NUP93: variants seen among roughly 807,000 people sequenced by gnomAD.
NUP93 encodes nucleoporin 93.
A neutral mutation model predicts 107.8 loss-of-function variants in NUP93; 55 were observed. The ratio of observed to expected loss-of-function variants is 0.51; its 90% confidence interval spans 0.41 to 0.64. The LOEUF (loss-of-function observed/expected upper bound fraction) is 0.64, where lower values mean the gene tolerates loss of function less well. NUP93 is among the 30% of genes least tolerant of loss of function. NUP93 has a pLI of 0.00. For synonymous variants in NUP93, 390 were observed against 397.5 expected (o/e 0.98, Z 0.22); for missense variants, 937 against 1,044.7 (o/e 0.90, Z 1.42).
In NUP93 at chr16:56,782,031, TTTCTCTCTTTTTCTC is replaced by T. The variant is rs764757273; in HGVS notation, c.298-16436_298-16422del. 187 of 985,406 alleles carry T rather than the reference TTTCTCTCTTTTTCTC, an allele frequency of 1.9e-4. No homozygotes were observed. In the Admixed American group the frequency reaches 4.1e-3, roughly 21 times the overall value. 61.0% of individuals were successfully genotyped at this position (985,406 alleles called of 1,614,324 possible). On this transcript the variant is annotated intron_variant, in intron 3 of 21. Coordinates refer to ENST00000308159, the MANE Select transcript of NUP93 (RefSeq NM_014669.5). Reference sequence around the variant, plus strand: ...GGGGTTGTTCTTTTCCTTTTTCTTCTTTCTCTCTTTTTCTCTTCTCTCTGTCCTTCTCCCCACCCC... The same window carrying T: ...GGGGTTGTTCTTTTCCTTTTTCTTCTTTCTCTCTGTCCTTCTCCCCACCCC...
chr16:56,754,572 CAA>C (rs750474174), intron 2 of NUP93, among the ~76,000 whole-genome samples: 1 of 152,192 alleles, frequency 6.6e-6, no homozygotes, highest in Non-Finnish European at 1.5e-5. Context: ...TTGGCCAAAA[CAA>C]AGGGGCTACA....
At chr16:56,764,321 C>T (rs1219990316) in intron 3 of NUP93, among the ~76,000 whole-genome samples, 1 of 152,086 alleles carries the variant, frequency 6.6e-6, no homozygotes, top group Non-Finnish European at 1.5e-5. Flanking sequence ...TGAAACCCGT[C>T]TCTACTAAAA....
chr16:56,792,350 A>G (rs1962785203), intron 3 of NUP93, among the ~76,000 whole-genome samples: 1 of 152,240 alleles, frequency 6.6e-6, no homozygotes, highest in Non-Finnish European at 1.5e-5. Flanking sequence ...ATAAATGTGC[A>G]AACATAAAAT....
At chr16:56,730,840 A>G (rs553038075) in intron 1 of NUP93, among the ~76,000 whole-genome samples, 6 of 152,348 alleles carry the variant, frequency 3.9e-5, no homozygotes, top group African/African-American at 7.2e-5. Flanking sequence ...GGCCGACCCC[A>G]TGGGTCCTTG....
chr16:56,834,501 A>T, intron 15 of NUP93, 59 bp downstream of exon 15: 1 of 1,550,242 alleles, frequency 6.5e-7, no homozygotes, highest in Non-Finnish European at 8.9e-7. Flanking sequence ...TCCCATGCTC[A>T]TTCCGTATTG....
At chr16:56,838,924 C>G in intron 18 of NUP93, 28 bp from the exon 19 acceptor site, 1 of 1,496,250 alleles carries the variant, frequency 6.7e-7, no homozygotes, top group South Asian at 1.1e-5. Context: ...TACACTCTTA[C>G]TACCCCCACC....
At chr16:56,839,878 G>A in intron 20 of NUP93, 1 of 420,654 alleles carries the variant, frequency 2.4e-6, no homozygotes, top group Non-Finnish European at 4.4e-6. Context: ...GTTGATCTGT[G>A]AAGTCTGGTT....
rs796176525 is a variant in NUP93 at position 56,832,506 on chromosome 16, T to C, written c.1345+118T>C. ...TTTTGTCTTTCTTCCAAAACTCCTATAGATTGTCAAGGCAAAACACAACAA... is the reference window on the plus strand; with the variant it reads ...TTTTGTCTTTCTTCCAAAACTCCTACAGATTGTCAAGGCAAAACACAACAA... On this transcript the variant is annotated intron_variant, in intron 12 of 21. Transcript: ENST00000308159. 7.7e-5 allele frequency: 58 copies of C among 752,574 alleles called. No individual in the cohort carries two copies. The African/African-American group carries it at 8.8e-4, about 11-fold the overall frequency. 46.6% of individuals were successfully genotyped at this position (752,574 alleles called of 1,614,324 possible). A position where few individuals can be genotyped will look rare whatever the true frequency, so the allele number is the denominator to read the frequency against.
rs1348254795 is a variant in NUP93 at position 56,830,568 on chromosome 16, A to T, written c.968A>T (p.Tyr323Phe). The T allele has an allele frequency of 6.2e-7, 1 of 1,601,106 alleles. No homozygotes were observed. The highest frequency in any genetic ancestry group is 1.7e-5 in the Admixed American group (1 of 59,748). The change falls in exon 10 of 22, where the codon TAC becomes TTC. Residue 323 changes from tyrosine to phenylalanine, a missense_variant. Physicochemically the swap from Tyr to Phe is conservative, Grantham distance 22. Transcript: ENST00000308159. ...GGCCATCCTGTGTGGGCGCTAATTTACTACTGCATGCGCTGTGGAGACCTG... is the reference window on the plus strand; with the variant it reads ...GGCCATCCTGTGTGGGCGCTAATTTTCTACTGCATGCGCTGTGGAGACCTG... ...VEGHPVWALI[Y>F]YCMRCGDLLA...
intron 11 of NUP93, 46 bp downstream of exon 11, chr16:56,832,053 G>A (rs1963804079): frequency 1.2e-6 from 2 of 1,605,586 alleles, no homozygotes; most frequent in Non-Finnish European, 1.7e-6. Flanking sequence ...CCCCTTTTCT[G>A]TGCTCAAGTC....
At chr16:56,754,685 A>T (rs1460822483) in intron 2 of NUP93, among the ~76,000 whole-genome samples, 1 of 152,150 alleles carries the variant, frequency 6.6e-6, no homozygotes, top group Non-Finnish European at 1.5e-5. Context: ...GCAAACCATC[A>T]GTGGGTCTAC....
chr16:56,741,570 G>C (rs1961740431), intron 1 of NUP93, among the ~76,000 whole-genome samples: 1 of 151,942 alleles, frequency 6.6e-6, no homozygotes, highest in Non-Finnish European at 1.5e-5. Context: ...AAACAGTACT[G>C]TTTACTGTTA....
chr16:56,775,025 G>A lies in NUP93; in HGVS notation c.297+16370G>A, dbSNP rs530825128. ...AGTGATCCTCCCACCTCAACCTCCC[G>A]AGTAGCTGGGACTACAGGCACATGC... On this transcript the variant is annotated intron_variant, in intron 3 of 21. Coordinates refer to ENST00000308159, the MANE Select transcript of NUP93 (RefSeq NM_014669.5). 2.7e-5 allele frequency among the ~76,000 whole-genome samples: 4 copies of A among 150,930 alleles called. No individual in the cohort carries two copies. In the South Asian group the frequency reaches 6.3e-4, roughly 24 times the overall value.
At chr16:56,814,293 G>A (rs942798177) in intron 5 of NUP93, among the ~76,000 whole-genome samples, 3 of 152,016 alleles carry the variant, frequency 2.0e-5, no homozygotes, top group Non-Finnish European at 4.4e-5. Context: ...CGATCCTCTC[G>A]CTTCAGCCTC....
In NUP93 at chr16:56,756,301, C is replaced by G. The variant is rs1187135129; in HGVS notation, c.180-2237C>G. Among the ~76,000 whole-genome samples, 19 of 79,250 alleles carry G rather than the reference C, an allele frequency of 2.4e-4. 2 individuals carry two copies. In the South Asian group the frequency reaches 0.014, roughly 58 times the overall value. 52.0% of individuals were successfully genotyped at this position (79,250 alleles called of 152,430 possible). On this transcript the variant is annotated intron_variant, in intron 2 of 21. Coordinates refer to ENST00000308159, the MANE Select transcript of NUP93 (RefSeq NM_014669.5). ...TAATGCTCTCTCTCTCCTTGCCCCC[C>G]CCCCCCCCGACAGGCTCCTATGTGT... is the stretch of plus-strand genomic sequence containing the variant.
chr16:56,802,783 T>G (rs750851903), intron 4 of NUP93, among the ~76,000 whole-genome samples: 9 of 152,220 alleles, frequency 5.9e-5, no homozygotes, highest in Non-Finnish European at 1.3e-4. Flanking sequence ...ACTCATTCCC[T>G]TATTGCTGCC....
intron 11 of NUP93, 66 bp from the exon 12 acceptor site, chr16:56,832,229 A>G (rs1480530587): frequency 1.9e-5 from 26 of 1,393,000 alleles, no homozygotes; most frequent in Non-Finnish European, 2.7e-5. Context: ...CTGAACAGCT[A>G]CAACTCTGTG....
chr16:56,792,674 G>T (rs1212765528), intron 3 of NUP93, among the ~76,000 whole-genome samples: 1 of 152,154 alleles, frequency 6.6e-6, no homozygotes, highest in East Asian at 1.9e-4. Flanking sequence ...ACTTATACCT[G>T]GCACAAAGTG....
intron 10 of NUP93, among the ~76,000 whole-genome samples, chr16:56,831,292 T>G (rs1963781422): frequency 6.6e-6 from 1 of 152,248 alleles, no homozygotes; most frequent in South Asian, 2.1e-4. Context: ...GCGGTTACTG[T>G]AGCTGTACTT....
Sources: allele counts gnomAD v4.1 joint callset (sites outside exome capture counted in the v4.1 genomes callset), GRCh38; gene constraint gnomAD v4.1.1; transcripts MANE v1.5; gene names NCBI Gene and HGNC (gene_info 2026-07-23, HGNC 2026-07-21).